The following SLC7A1 variants were observed in gnomAD, a reference collection of about 807,000 sequenced individuals.
SLC7A1 encodes the protein high affinity cationic amino acid transporter 1.
SLC7A1 carries 10 observed loss-of-function variants against 53.9 expected under a neutral mutation model. The observed-to-expected ratio is 0.19, with a 90% CI of 0.11 to 0.31. The LOEUF is 0.31. Ranked by LOEUF, SLC7A1 falls within the 10% of genes least tolerant of loss-of-function variation. The pLI is 1.00. For missense variants in SLC7A1, 525 were observed against 827.2 expected, an observed-to-expected ratio of 0.63 and a Z score of 4.48; for synonymous variants, 342 against 338.7, an observed-to-expected ratio of 1.01 and a Z score of -0.11.
intron 1 of SLC7A1, among the ~76,000 whole-genome samples, chr13:29,564,950 C>T (rs1471411232): frequency 6.6e-6 from 1 of 152,224 alleles, no homozygotes. Flanking sequence ...TGGCTTGTAG[C>T]TGGCATTCTG....
At chr13:29,531,897 C>T (rs1372083985) in intron 4 of SLC7A1, among the ~76,000 whole-genome samples, 1 of 152,122 alleles carries the variant, frequency 6.6e-6, no homozygotes, top group African/African-American at 2.4e-5. Flanking sequence ...TTATAAAGTA[C>T]AGATGTTAGA....
At chr13:29,550,381 CT>C (rs1238054247) in intron 2 of SLC7A1, among the ~76,000 whole-genome samples, 1 of 152,194 alleles carries the variant, frequency 6.6e-6, no homozygotes, top group Non-Finnish European at 1.5e-5. Flanking sequence ...AAAATAATTT[CT>C]TATAAAAATA....
intron 4 of SLC7A1, 57 bp downstream of exon 4, chr13:29,532,767 C>T (rs774109144): frequency 6.9e-5 from 101 of 1,472,088 alleles, no homozygotes; most frequent in Middle Eastern, 3.6e-4. Context: ...ACAGGAGCCT[C>T]TCACCAAACC....
At chr13:29,592,224 T>C (rs9551703) in intron 1 of SLC7A1, among the ~76,000 whole-genome samples, 13,959 of 152,192 alleles carry the variant, frequency 0.092, 1,660 homozygotes, top group East Asian at 0.66. Flanking sequence ...AGTTATCCAG[T>C]GTGTTCACCA....
intron 1 of SLC7A1, among the ~76,000 whole-genome samples, chr13:29,571,415 C>T (rs1237889251): frequency 6.6e-6 from 1 of 152,082 alleles, no homozygotes; most frequent in African/African-American, 2.4e-5. Context: ...TGTAAAGGTC[C>T]CAGGCTCTAT....
chr13:29,567,744 G>A (rs1022845099), intron 1 of SLC7A1, among the ~76,000 whole-genome samples: 2 of 152,212 alleles, frequency 1.3e-5, no homozygotes, highest in Non-Finnish European at 2.9e-5. Context: ...GGTGTGGCCA[G>A]GAGCTCGGGA....
At chr13:29,533,345 C>T (rs1869262021) in intron 3 of SLC7A1, among the ~76,000 whole-genome samples, 1 of 152,154 alleles carries the variant, frequency 6.6e-6, no homozygotes, top group Non-Finnish European at 1.5e-5. Flanking sequence ...AAAAAGTAAA[C>T]ATTGATGACA....
intron 5 of SLC7A1, among the ~76,000 whole-genome samples, chr13:29,529,764 G>A (rs1869066213): frequency 6.6e-6 from 1 of 152,200 alleles, no homozygotes; most frequent in South Asian, 2.1e-4. Flanking sequence ...TCTTAATGAA[G>A]AATCACACAC....
intron 12 of SLC7A1, 36 bp from the exon 13 acceptor site, chr13:29,514,619 C>T (rs761491908): frequency 2.1e-5 from 32 of 1,510,234 alleles, no homozygotes; most frequent in Middle Eastern, 1.7e-4. Flanking sequence ...GTGAACAGAC[C>T]GCCGGTTGCA....
At chr13:29,565,153 C>T (rs1870915002) in intron 1 of SLC7A1, among the ~76,000 whole-genome samples, 1 of 152,220 alleles carries the variant, frequency 6.6e-6, no homozygotes, top group East Asian at 1.9e-4. Context: ...ACTGTGGCAT[C>T]CATCCTGAAT....
At chr13:29,579,324 C>T (rs890152469) in intron 1 of SLC7A1, among the ~76,000 whole-genome samples, 6 of 151,952 alleles carry the variant, frequency 3.9e-5, no homozygotes, top group South Asian at 2.1e-4. Flanking sequence ...CACCAGGAAA[C>T]GGCTGCCCCT....
chr13:29,521,972 C>G (rs1371359481), intron 8 of SLC7A1, among the ~76,000 whole-genome samples: 1 of 152,162 alleles, frequency 6.6e-6, no homozygotes, highest in Admixed American at 6.5e-5. Context: ...CTCCCTTGGC[C>G]TGTGTCATGC....
intron 2 of SLC7A1, among the ~76,000 whole-genome samples, chr13:29,537,273 A>G (rs1869464457): frequency 6.6e-6 from 1 of 152,260 alleles, no homozygotes; most frequent in South Asian, 2.1e-4. Flanking sequence ...ATGTTGGCAG[A>G]GCGATGTGAT....
At chr13:29,526,301 C>CA (rs34286791) in intron 5 of SLC7A1, among the ~76,000 whole-genome samples, 21 of 150,534 alleles carry the variant, frequency 1.4e-4, no homozygotes, top group African/African-American at 4.9e-4. Context: ...CCCATTAGTA[C>CA]AAAAAAAAAA....
chr13:29,588,780 C>T (rs1025564056), intron 1 of SLC7A1, among the ~76,000 whole-genome samples: 5 of 152,204 alleles, frequency 3.3e-5, no homozygotes, highest in African/African-American at 1.2e-4. Flanking sequence ...GCTGGGATTA[C>T]AGGCGTGAGC....
At chr13:29,555,617 C>T (rs1870406104) in intron 1 of SLC7A1, among the ~76,000 whole-genome samples, 1 of 150,288 alleles carries the variant, frequency 6.7e-6, no homozygotes, top group Non-Finnish European at 1.5e-5. Flanking sequence ...GGGTGGCTGC[C>T]AAGGGGCCAT....
chr13:29,517,224 C>T lies in SLC7A1; in HGVS notation c.1597G>A (p.Ala533Thr), dbSNP rs556791576. Residue 533 changes from alanine to threonine, a missense_variant, in exon 11 of 13, where the codon GCA becomes ACA. Around this residue, in one of 4 missense-constraint regions of SLC7A1, gnomAD observed 122 missense variants for 140.9 expected, o/e 0.87. Coordinates refer to ENST00000380752, the MANE Select transcript of SLC7A1 (RefSeq NM_003045.5). The part of the protein sequence containing the change: ...KGALWAVFLL[A>T]GSALLCAVVT... ...ACGGCACAGAGGAGGGCAGACCCTG[C>T]GAGCAGAAAGACTGCCCACAGCGCC... 31 of 1,613,176 alleles carry T rather than the reference C, an allele frequency of 1.9e-5. No homozygotes were observed. Among genetic ancestry groups the T allele is most frequent in the East Asian group, 1.1e-4 (5 of 44,866 alleles).
chr13:29,580,139 G>T (rs777242455), intron 1 of SLC7A1, among the ~76,000 whole-genome samples: 7 of 152,154 alleles, frequency 4.6e-5, no homozygotes, highest in African/African-American at 9.7e-5. Context: ...ATGTGGCCTG[G>T]AGAACCTGCC....
intron 1 of SLC7A1, among the ~76,000 whole-genome samples, chr13:29,554,928 C>G (rs1455741095): frequency 6.6e-6 from 1 of 152,200 alleles, no homozygotes; most frequent in Non-Finnish European, 1.5e-5. Flanking sequence ...ATCTACACTT[C>G]CCAATATTTA....
Sources: allele counts gnomAD v4.1 joint callset (sites outside exome capture counted in the v4.1 genomes callset), GRCh38; gene constraint gnomAD v4.1.1; regional missense constraint gnomAD v4.1.1; transcripts MANE v1.5; gene names NCBI Gene and HGNC (gene_info 2026-07-23, HGNC 2026-07-21).